MED27: variants seen among roughly 807,000 people sequenced by gnomAD.
The protein encoded by MED27 is mediator of RNA polymerase II transcription subunit 27.
Under a neutral mutation model 38.2 loss-of-function variants are expected in MED27, and 30 were observed. That is an observed-to-expected ratio of 0.79 (90% CI 0.59 to 1.07). The LOEUF (loss-of-function observed/expected upper bound fraction) is 1.07. Ranked by LOEUF, MED27 falls within the 50% of genes least tolerant of loss-of-function variation. The pLI is 0.00. For missense variants in MED27, 289 were observed against 397.5 expected, an observed-to-expected ratio of 0.73 and a Z score of 2.32; for synonymous variants, 122 against 153.5, an observed-to-expected ratio of 0.79 and a Z score of 1.52.
rs1486748772 is a variant in MED27, at chr9:132,067,525, T to C, written c.348+9917A>G. On this transcript the variant is annotated intron_variant, in intron 2 of 7. Coordinates refer to ENST00000292035, the MANE Select transcript of MED27 (RefSeq NM_004269.4). ...TGGCCCCTTGGGGAACGACAATTAC[T>C]TCTGTAGACTAGAAGTGGCAAAAAG... 9.9e-5 allele frequency among the ~76,000 whole-genome samples: 15 copies of C among 152,140 alleles called. 1 individual carries two copies. Among genetic ancestry groups the C allele is most frequent in the Admixed American group, 9.8e-4 (15 of 15,272 alleles).
chr9:132,054,013 TA>T (rs1193180264), intron 2 of MED27, among the ~76,000 whole-genome samples: 6 of 151,956 alleles, frequency 3.9e-5, no homozygotes, highest in Non-Finnish European at 8.8e-5. Flanking sequence ...AAAATCTGCT[TA>T]AAAAGATATC....
intron 2 of MED27, 29 bp downstream of exon 2, chr9:132,077,413 A>G (rs1834076435): frequency 6.2e-7 from 1 of 1,604,462 alleles, no homozygotes; most frequent in Non-Finnish European, 8.5e-7. Context: ...TTTTCCATAT[A>G]TTAGCTCCGT....
At chr9:132,071,347 CAT>C (rs904906952) in intron 2 of MED27, among the ~76,000 whole-genome samples, 31 of 152,046 alleles carry the variant, frequency 2.0e-4, no homozygotes, top group African/African-American at 7.2e-4. Context: ...AGCACACACA[CAT>C]ACGTGTAACA....
chr9:131,951,417 C>T (rs1830994060), intron 3 of MED27, among the ~76,000 whole-genome samples: 1 of 152,242 alleles, frequency 6.6e-6, no homozygotes, highest in African/African-American at 2.4e-5. Flanking sequence ...AGCACACTGT[C>T]CAGCACACAG....
chr9:132,008,728 A>G (rs566249834), intron 3 of MED27, among the ~76,000 whole-genome samples: 2 of 152,318 alleles, frequency 1.3e-5, no homozygotes, highest in South Asian at 2.1e-4. Context: ...CAGAACTAGT[A>G]GTTTTGCTGT....
At chr9:131,929,310 GGA>G (rs1457307069) in intron 4 of MED27, among the ~76,000 whole-genome samples, 1 of 152,154 alleles carries the variant, frequency 6.6e-6, no homozygotes, top group Non-Finnish European at 1.5e-5. Flanking sequence ...GTGGTTCTGG[GGA>G]GAGACTCCTT....
chr9:131,924,056 T>A (rs1830441695), intron 4 of MED27, among the ~76,000 whole-genome samples: 1 of 152,226 alleles, frequency 6.6e-6, no homozygotes, highest in Non-Finnish European at 1.5e-5. Context: ...ATTTCCAATA[T>A]TCTACAATTA....
intron 4 of MED27, 88 bp from the exon 5 acceptor site, chr9:131,894,080 T>G (rs1564272328): frequency 2.2e-6 from 2 of 907,084 alleles, no homozygotes; most frequent in South Asian, 2.7e-5. Flanking sequence ...ACCTGGCCAA[T>G]CCAGTGAGAC....
intron 3 of MED27, among the ~76,000 whole-genome samples, chr9:131,962,214 C>T (rs1183416108): frequency 6.6e-6 from 1 of 152,176 alleles, no homozygotes; most frequent in Non-Finnish European, 1.5e-5. Flanking sequence ...CTTACAGCCA[C>T]ATGGAGAAAA....
intron 3 of MED27, among the ~76,000 whole-genome samples, chr9:131,992,649 G>A (rs558477924): frequency 4.6e-5 from 7 of 152,182 alleles, no homozygotes; most frequent in East Asian, 3.9e-4. Context: ...CAATCCTCCC[G>A]CCTTGGCCTC....
At chr9:132,032,545 T>C (rs1339024468) in intron 2 of MED27, among the ~76,000 whole-genome samples, 1 of 152,258 alleles carries the variant, frequency 6.6e-6, no homozygotes, top group Non-Finnish European at 1.5e-5. Flanking sequence ...ATCTTGTTCT[T>C]TAATGACCTA....
At chr9:131,868,928 G>A (rs1029684471) in intron 6 of MED27, 7 of 985,378 alleles carry the variant, frequency 7.1e-6, no homozygotes, top group African/African-American at 7.0e-5. Context: ...CTTCAGAGGC[G>A]GCGGGAGCCA....
chr9:131,868,146 T>A (rs7868927), intron 6 of MED27, among the ~76,000 whole-genome samples: 1,597 of 152,284 alleles, frequency 0.01, 32 homozygotes, highest in African/African-American at 0.036. Flanking sequence ...TTCTGAAAAG[T>A]GCTTTTTTTA....
In MED27 at chr9:131,882,223, A is replaced by G. The variant is rs568858018; in HGVS notation, c.723+1835T>C. On this transcript the variant is annotated intron_variant, in intron 6 of 7. Transcript: ENST00000292035. ...GCCTGTCCTCTGCCTAGCCCTTATC[A>G]CCAAAAAGGGGCCCAGGGGGCACTG... 4.6e-5 allele frequency among the ~76,000 whole-genome samples: 7 copies of G among 152,140 alleles called. No homozygotes were observed. In the South Asian group the frequency reaches 1.5e-3, roughly 32 times the overall value.
Position 131,869,345 on chromosome 9 carries a change from T to C in MED27, c.724-6205A>G, listed in dbSNP as rs575255079. The C allele has an allele frequency of 1.5e-4, 151 of 985,188 alleles. 1 individual carries two copies. The African/African-American group carries it at 1.8e-3, about 12-fold the overall frequency. The allele number at this position is 985,188 out of a possible 1,614,324, so 61.0% of individuals were successfully genotyped here. On this transcript the variant is annotated intron_variant, in intron 6 of 7. Coordinates refer to ENST00000292035, the MANE Select transcript of MED27 (RefSeq NM_004269.4). The stretch of plus-strand genomic sequence containing the variant: ...GTTTTACATTTTTCAACAACAAAGT[T>C]GTTTTTTTGCTCAGCATCCAAGACT...
intron 3 of MED27, among the ~76,000 whole-genome samples, chr9:131,957,367 G>A (rs992834056): frequency 1.3e-5 from 2 of 151,814 alleles, no homozygotes; most frequent in Middle Eastern, 3.2e-3. Flanking sequence ...CAATCCCTCC[G>A]CCTCAGCCTC....
chr9:132,078,370 A>C (rs1277775987), intron 1 of MED27, among the ~76,000 whole-genome samples: 1 of 152,186 alleles, frequency 6.6e-6, no homozygotes, highest in Admixed American at 6.5e-5. Flanking sequence ...TAAAGTTTCT[A>C]TTTAAAATGG....
intron 2 of MED27, among the ~76,000 whole-genome samples, chr9:132,056,886 C>T (rs117301229): frequency 1.1e-3 from 170 of 152,312 alleles, no homozygotes; most frequent in Non-Finnish European, 1.9e-3. Context: ...GCTCATATGG[C>T]TGACCGACGC....
At chr9:131,926,589 G>C (rs1320889173) in intron 4 of MED27, among the ~76,000 whole-genome samples, 1 of 152,198 alleles carries the variant, frequency 6.6e-6, no homozygotes, top group Non-Finnish European at 1.5e-5. Context: ...CACAAACTAC[G>C]CTGGTGACTC....
Sources: gnomAD v4.1 joint callset for allele counts (sites outside exome capture counted in the v4.1 genomes callset) on GRCh38, gnomAD v4.1.1 for gene constraint, MANE v1.5 for transcripts, NCBI Gene and HGNC (gene_info 2026-07-23, HGNC 2026-07-21) for gene names.